Variants in PHF2 observed in about 807,000 individuals in gnomAD.
The protein encoded by PHF2 is PHD finger protein 2, also known as lysine-specific demethylase PHF2.
A neutral mutation model predicts 120.5 loss-of-function variants in PHF2; 27 were observed. That is an observed-to-expected ratio of 0.22 (90% confidence interval 0.17 to 0.31). The LOEUF (loss-of-function observed/expected upper bound fraction) is 0.31. Among genes scored for constraint, PHF2 ranks in the 10% least tolerant of loss-of-function variants. The probability of loss-of-function intolerance (pLI) is 1.00; values close to 1 mark genes in which losing one functional copy is unlikely to be tolerated. For synonymous variants in PHF2, 568 were observed against 592.5 expected (o/e 0.96, Z 0.60); for missense variants, 1,024 against 1,434.8 (o/e 0.71, Z 4.63).
At chr9:93,668,767 T>G (rs1336474259) in intron 17 of PHF2, among the ~76,000 whole-genome samples, 1 of 152,168 alleles carries the variant, frequency 6.6e-6, no homozygotes, top group Non-Finnish European at 1.5e-5. Flanking sequence ...CCCGCACAAC[T>G]AGCCCGTGCC....
intron 1 of PHF2, among the ~76,000 whole-genome samples, chr9:93,580,298 C>T (rs983229289): frequency 3.3e-5 from 5 of 152,340 alleles, no homozygotes; most frequent in East Asian, 1.9e-4. Context: ...GGCAGGAGGC[C>T]GCTGGAGGCC....
intron 2 of PHF2, among the ~76,000 whole-genome samples, chr9:93,634,809 G>A (rs1393410526): frequency 1.3e-5 from 2 of 152,234 alleles, no homozygotes; most frequent in Non-Finnish European, 2.9e-5. Context: ...CCCAGGGTCT[G>A]TTAGGAGCAC....
chr9:93,608,393 T>C (rs866088677), intron 1 of PHF2, among the ~76,000 whole-genome samples: 29 of 138,966 alleles, frequency 2.1e-4, no homozygotes, highest in Middle Eastern at 3.4e-3. Flanking sequence ...AAATATTGAT[T>C]GGTAGTTTTT....
intron 17 of PHF2, among the ~76,000 whole-genome samples, chr9:93,669,133 C>T (rs1826734998): frequency 6.6e-6 from 1 of 152,250 alleles, no homozygotes; most frequent in African/African-American, 2.4e-5. Flanking sequence ...ATGCAGTCCT[C>T]ACCCTCTTGG....
intron 9 of PHF2, 59 bp from the exon 10 acceptor site, chr9:93,658,086 C>T: frequency 8.2e-7 from 1 of 1,217,592 alleles, no homozygotes; most frequent in African/African-American, 1.5e-5. Flanking sequence ...TGTGGCTGGG[C>T]ATGAAGGCAC....
intron 1 of PHF2, among the ~76,000 whole-genome samples, chr9:93,583,081 C>T (rs962135871): frequency 1.3e-5 from 2 of 152,186 alleles, no homozygotes; most frequent in South Asian, 2.1e-4. Flanking sequence ...TCCCACTAGC[C>T]CCTGACAACT....
At chr9:93,582,313 C>T (rs558422650) in intron 1 of PHF2, among the ~76,000 whole-genome samples, 1 of 152,204 alleles carries the variant, frequency 6.6e-6, no homozygotes, top group African/African-American at 2.4e-5. Flanking sequence ...CTGCTCGTGT[C>T]CATGGTTTCA....
intron 1 of PHF2, among the ~76,000 whole-genome samples, chr9:93,598,061 G>T (rs952520092): frequency 9.2e-5 from 14 of 152,262 alleles, no homozygotes; most frequent in African/African-American, 3.1e-4. Context: ...AGTGCATTTT[G>T]TTCTGGCTGA....
At position 93,602,247 on chromosome 9, in the gene PHF2, CTTTTTTTTTTT is replaced by C. The variant is rs67001312; in HGVS notation, c.98+25389_98+25399del. Among the ~76,000 whole-genome samples, 40 of 79,676 alleles carry C rather than the reference CTTTTTTTTTTT, an allele frequency of 5.0e-4. 1 individual carries two copies. Among genetic ancestry groups the C allele is most frequent in the Middle Eastern group, 0.026 (2 of 78 alleles). The allele number at this position is 79,676 out of a possible 152,430, so 52.3% of individuals were successfully genotyped here. ...AAGTCATTTTGCATTCCTAGAGATTCTTTTTTTTTTTTTTTTTTTTTTTGAGATGGAATCTT... is the reference window on the plus strand; with the variant it reads ...AAGTCATTTTGCATTCCTAGAGATTCTTTTTTTTTTTTGAGATGGAATCTT... On this transcript the variant is annotated intron_variant, in intron 1 of 21. Coordinates refer to ENST00000359246, the MANE Select transcript of PHF2 (RefSeq NM_005392.4).
At chr9:93,645,389 G>A (rs551838455) in intron 3 of PHF2, among the ~76,000 whole-genome samples, 2 of 152,334 alleles carry the variant, frequency 1.3e-5, no homozygotes, top group East Asian at 3.9e-4. Flanking sequence ...ATTTCCATGT[G>A]ACACGTGAGA....
intron 11 of PHF2, among the ~76,000 whole-genome samples, 180 bp from the exon 12 acceptor site, chr9:93,660,010 TCA>T (rs1322397410): frequency 1.3e-5 from 2 of 152,124 alleles, no homozygotes; most frequent in Non-Finnish European, 2.9e-5. Flanking sequence ...TGTGAGTGTG[TCA>T]CACAATAGCA....
intron 1 of PHF2, among the ~76,000 whole-genome samples, chr9:93,601,727 T>C (rs1488798751): frequency 6.6e-6 from 1 of 151,986 alleles, no homozygotes; most frequent in African/African-American, 2.4e-5. Context: ...TTGCTTGCTG[T>C]GTGCTGAGGG....
intron 1 of PHF2, among the ~76,000 whole-genome samples, chr9:93,592,129 TG>T (rs1825238888): frequency 6.6e-6 from 1 of 152,206 alleles, no homozygotes; most frequent in Admixed American, 6.5e-5. Flanking sequence ...TTGTGATGGG[TG>T]GCAGGGCCAG....
chr9:93,635,818 G>A (rs1564389586), intron 2 of PHF2, among the ~76,000 whole-genome samples: 1 of 152,218 alleles, frequency 6.6e-6, no homozygotes, highest in Non-Finnish European at 1.5e-5. Flanking sequence ...GTGTGACCTG[G>A]GCAGTGTGAG....
intron 3 of PHF2, among the ~76,000 whole-genome samples, chr9:93,645,076 C>T (rs1021771300): frequency 5.3e-5 from 8 of 152,146 alleles, no homozygotes; most frequent in East Asian, 3.9e-4. Context: ...CTAGGCAGGG[C>T]GAGAGAGAGA....
intron 1 of PHF2, among the ~76,000 whole-genome samples, chr9:93,618,424 C>T (rs1390713459): frequency 6.6e-6 from 1 of 152,248 alleles, no homozygotes; most frequent in African/African-American, 2.4e-5. Context: ...CGTCTGCCTG[C>T]ATACACGTGC....
chr9:93,677,851 C>T lies in PHF2; in HGVS notation c.*175C>T. On this transcript the variant is annotated 3_prime_UTR_variant, in exon 22 of 22. Coordinates refer to ENST00000359246, the MANE Select transcript of PHF2 (RefSeq NM_005392.4). The surrounding 1 kb of genome is among the most constrained non-coding windows in gnomAD (Gnocchi z 4.4). ...AGCCGGCAGAGCGAGCCCAGCGTGGCCCCTCAATTTGAAAATGGACGTCTT... is the reference window on the plus strand; with the variant it reads ...AGCCGGCAGAGCGAGCCCAGCGTGGTCCCTCAATTTGAAAATGGACGTCTT... 5.1e-6 allele frequency: 3 copies of T among 589,918 alleles called. No homozygotes were observed. Among genetic ancestry groups the T allele is most frequent in the Non-Finnish European group, 9.1e-6 (3 of 329,440 alleles). 36.5% of individuals were successfully genotyped at this position (589,918 alleles called of 1,614,324 possible).
chr9:93,577,929 G>A (rs1415336893), intron 1 of PHF2, among the ~76,000 whole-genome samples: 1 of 152,196 alleles, frequency 6.6e-6, no homozygotes, highest in Non-Finnish European at 1.5e-5. Flanking sequence ...GCTGGCCAGG[G>A]CTGTATGCCC....
intron 17 of PHF2, among the ~76,000 whole-genome samples, chr9:93,667,712 T>C (rs1826708944): frequency 6.6e-6 from 1 of 152,124 alleles, no homozygotes; most frequent in Admixed American, 6.5e-5. Context: ...TGAGGGCTTA[T>C]ACTTGCACGT....
Sources: gnomAD v4.1 joint callset for allele counts (sites outside exome capture counted in the v4.1 genomes callset) on GRCh38, gnomAD v4.1.1 for gene constraint, Gnocchi (gnomAD v3.1) non-coding constraint, MANE v1.5 for transcripts, NCBI Gene and HGNC (gene_info 2026-07-23, HGNC 2026-07-21) for gene names.